Variants in CDH12 observed in about 807,000 individuals in gnomAD.
CDH12 encodes cadherin-12.
In CDH12, 41 loss-of-function variants were observed where a neutral mutation model predicts 74.1. The observed-to-expected ratio is 0.55, with a 90% CI of 0.43 to 0.72. CDH12 has a LOEUF of 0.72. Among genes scored for constraint, CDH12 ranks in the 30% least tolerant of loss-of-function variants. The probability of loss-of-function intolerance (pLI) is 0.00; values close to 1 mark genes in which losing one functional copy is unlikely to be tolerated. For synonymous variants in CDH12, 399 were observed against 355.0 expected (o/e 1.12, Z -1.39); for missense variants, 945 against 977.2 (o/e 0.97, Z 0.44).
intron 6 of CDH12, among the ~76,000 whole-genome samples, chr5:21,885,152 G>C (rs1425523067): frequency 1.3e-5 from 2 of 151,832 alleles, no homozygotes; most frequent in Admixed American, 1.3e-4. Context: ...CTCCCAAAGT[G>C]CTGGGATTAC....
intron 6 of CDH12, among the ~76,000 whole-genome samples, chr5:21,951,250 ATTTAT>A (rs1755848055): frequency 6.6e-6 from 1 of 152,000 alleles, no homozygotes; most frequent in African/African-American, 2.4e-5. Flanking sequence ...ATTAATATTT[ATTTAT>A]TTATTTATTT....
intron 1 of CDH12, among the ~76,000 whole-genome samples, chr5:22,799,719 G>A (rs979325484): frequency 6.6e-6 from 1 of 152,072 alleles, no homozygotes; most frequent in Non-Finnish European, 1.5e-5. Context: ...TTCATTTAAT[G>A]AATACTTATT....
At chr5:22,470,388 T>C (rs1455547112) in intron 2 of CDH12, among the ~76,000 whole-genome samples, 1 of 148,298 alleles carries the variant, frequency 6.7e-6, no homozygotes, top group Non-Finnish European at 1.5e-5. Context: ...GAATGATTGT[T>C]ACAATTATTT....
intron 1 of CDH12, among the ~76,000 whole-genome samples, chr5:22,721,938 A>C (rs539174157): frequency 2.0e-5 from 3 of 152,242 alleles, no homozygotes; most frequent in African/African-American, 7.2e-5. Flanking sequence ...AGCCATGCAG[A>C]ACTGTGAGTC....
intron 4 of CDH12, among the ~76,000 whole-genome samples, chr5:22,101,859 C>T (rs1279969194): frequency 6.6e-6 from 1 of 152,122 alleles, no homozygotes; most frequent in Non-Finnish European, 1.5e-5. Flanking sequence ...AAATTGTACA[C>T]ATTTTAGGCT....
At chr5:21,774,309 C>T (rs116701467) in intron 11 of CDH12, 1,535 of 152,210 alleles carry the variant, frequency 0.01, 16 homozygotes, top group Non-Finnish European at 0.017. Flanking sequence ...TATTTCCTTC[C>T]CTCAAACATC....
chr5:22,090,240 C>A (rs967499551), intron 4 of CDH12, among the ~76,000 whole-genome samples: 1 of 151,560 alleles, frequency 6.6e-6, no homozygotes, highest in Non-Finnish European at 1.5e-5. Context: ...CGTACTATAA[C>A]AAATACCATG....
intron 1 of CDH12, among the ~76,000 whole-genome samples, chr5:22,515,842 T>C (rs911028453): frequency 2.2e-4 from 33 of 152,020 alleles, no homozygotes; most frequent in African/African-American, 7.0e-4. Context: ...CAACTTGGAG[T>C]AGAAAATGTT....
chr5:21,912,395 T>C (rs1172184225), intron 6 of CDH12, among the ~76,000 whole-genome samples: 2 of 152,048 alleles, frequency 1.3e-5, no homozygotes, highest in Admixed American at 6.6e-5. Context: ...AAAAAGTCCT[T>C]ACATAATGAG....
chr5:22,821,187 C>A lies in CDH12; in HGVS notation c.-523+31871G>T, dbSNP rs538983854. On this transcript the variant is annotated intron_variant, in intron 1 of 14. Transcript: ENST00000382254. ...AGGCCTTTGACAAAATTCAACAACG[C>A]TTCATGCTAAAAACTCTCAATAAAT... Among the ~76,000 whole-genome samples, 37 of 151,906 alleles carry A rather than the reference C, an allele frequency of 2.4e-4. No homozygotes were observed. In the South Asian group the frequency reaches 7.3e-3, roughly 30 times the overall value.
At chr5:22,085,267 A>C (rs942587243) in intron 4 of CDH12, among the ~76,000 whole-genome samples, 1 of 152,010 alleles carries the variant, frequency 6.6e-6, no homozygotes, top group African/African-American at 2.4e-5. Context: ...TGTGCCTCCA[A>C]AGCTAAAAGA....
At chr5:22,575,737 G>A (rs555637983) in intron 1 of CDH12, among the ~76,000 whole-genome samples, 17 of 151,788 alleles carry the variant, frequency 1.1e-4, no homozygotes, top group South Asian at 4.2e-4. Flanking sequence ...TCTAATTTTC[G>A]TATTTTTAGT....
chr5:22,430,319 G>T (rs748969535), intron 2 of CDH12, among the ~76,000 whole-genome samples: 114 of 151,982 alleles, frequency 7.5e-4, no homozygotes, highest in Middle Eastern at 3.4e-3. Flanking sequence ...AGAGATAAAA[G>T]AATTTTTGGT....
chr5:21,930,729 A>G (rs528549460), intron 6 of CDH12, among the ~76,000 whole-genome samples: 18 of 152,362 alleles, frequency 1.2e-4, no homozygotes, highest in Non-Finnish European at 2.1e-4. Context: ...GTAGCACAGT[A>G]TAAGTACATA....
chr5:22,254,443 A>G (rs1259036792), intron 3 of CDH12, among the ~76,000 whole-genome samples: 3 of 151,840 alleles, frequency 2.0e-5, no homozygotes, highest in Non-Finnish European at 4.4e-5. Flanking sequence ...GATGACCAAG[A>G]AAAACATCAA....
At chr5:22,506,843 C>T (rs1736406366) in intron 1 of CDH12, among the ~76,000 whole-genome samples, 1 of 152,114 alleles carries the variant, frequency 6.6e-6, no homozygotes, top group African/African-American at 2.4e-5. Flanking sequence ...ATAACTTCAA[C>T]TCCAGCTTCA....
chr5:22,002,967 C>T (rs1736688664), intron 5 of CDH12, among the ~76,000 whole-genome samples: 1 of 151,916 alleles, frequency 6.6e-6, no homozygotes, highest in Admixed American at 6.6e-5. Context: ...ATAAATTGTG[C>T]TTTCAAAAAT....
chr5:22,485,603 T>C (rs556713657), intron 2 of CDH12, among the ~76,000 whole-genome samples: 5 of 152,346 alleles, frequency 3.3e-5, no homozygotes, highest in African/African-American at 1.2e-4. Flanking sequence ...ATTTAGAGTA[T>C]TATTTGTATA....
intron 5 of CDH12, among the ~76,000 whole-genome samples, chr5:22,026,652 G>GT (rs1165825534): frequency 1.3e-5 from 2 of 152,120 alleles, no homozygotes; most frequent in East Asian, 3.9e-4. Context: ...TAGGGGTAGG[G>GT]TTAACATTAG....
Sources: allele counts gnomAD v4.1 joint callset (sites outside exome capture counted in the v4.1 genomes callset), GRCh38; gene constraint gnomAD v4.1.1; transcripts MANE v1.5; gene names NCBI Gene and HGNC (gene_info 2026-07-23, HGNC 2026-07-21).